FBXW8: variants seen among roughly 807,000 people sequenced by gnomAD.
FBXW8 encodes the protein F-box/WD repeat-containing protein 8.
A neutral mutation model predicts 65.3 loss-of-function variants in FBXW8; 57 were observed. That is an observed-to-expected ratio of 0.87 (90% CI 0.71 to 1.09). The LOEUF is 1.09. FBXW8 is among the 50% of genes least tolerant of loss of function. FBXW8 has a pLI of 0.00. For missense variants in FBXW8, 777 were observed against 814.8 expected (o/e 0.95, Z 0.57); for synonymous variants, 308 against 330.2 (o/e 0.93, Z 0.73).
chr12:116,957,606 G>T (rs926413637), intron 4 of FBXW8, among the ~76,000 whole-genome samples: 28 of 152,102 alleles, frequency 1.8e-4, no homozygotes, highest in Non-Finnish European at 3.7e-4. Context: ...AAGGTTGTGT[G>T]AGATAAATGT....
At position 117,028,695 on chromosome 12, in the gene FBXW8, G is replaced by A. The variant is rs114599061; in HGVS notation, c.*523G>A. On this transcript the variant is annotated 3_prime_UTR_variant, in exon 11 of 11. Transcript: ENST00000652555. This position sits in a 1 kb window ranked among gnomAD's most constrained non-coding sequence, Gnocchi z 4.1. Reference sequence around the variant, plus strand: ...ACCACCACCTTCCAGTAGCAAGCTGGTAGAGCTGTACTTTTTCTTCACAGC... The same window carrying A: ...ACCACCACCTTCCAGTAGCAAGCTGATAGAGCTGTACTTTTTCTTCACAGC... 1,203 of 156,820 alleles carry A rather than the reference G, an allele frequency of 7.7e-3. 7 individuals carry two copies. The highest frequency in any genetic ancestry group is 0.013 in the African/African-American group (558 of 41,634). 9.7% of individuals were successfully genotyped at this position (156,820 alleles called of 1,614,324 possible). A position where few individuals can be genotyped will look rare whatever the true frequency, so the allele number is the denominator to read the frequency against.
intron 8 of FBXW8, among the ~76,000 whole-genome samples, chr12:117,017,336 G>A (rs957654948): frequency 6.6e-6 from 1 of 152,198 alleles, no homozygotes; most frequent in South Asian, 2.1e-4. Context: ...CAGTCAGTCC[G>A]AAGGGCTTGT....
chr12:116,916,826 C>G (rs370843691), intron 1 of FBXW8, among the ~76,000 whole-genome samples: 1 of 151,996 alleles, frequency 6.6e-6, no homozygotes, highest in South Asian at 2.1e-4. Flanking sequence ...TGAGCTCACT[C>G]GTGTGTCTGA....
chr12:116,965,925 A>ATTT lies in FBXW8; in HGVS notation c.835+1088_835+1090dup, dbSNP rs10630126. Among the ~76,000 whole-genome samples, 726 of 137,296 alleles carry ATTT rather than the reference A, an allele frequency of 5.3e-3. 5 individuals are homozygous for ATTT. Among genetic ancestry groups the ATTT allele is most frequent in the Non-Finnish European group, 6.3e-3 (407 of 64,768 alleles). 90.1% of individuals were successfully genotyped at this position (137,296 alleles called of 152,430 possible). ...AGGCGCATGCCACCATGCCCAGCTA[A>ATTT]TTTTTTTTTTTTTTTTTTTAAGAGA... is the stretch of plus-strand genomic sequence containing the variant. On this transcript the variant is annotated intron_variant, in intron 5 of 10. Coordinates refer to ENST00000652555, the MANE Select transcript of FBXW8 (RefSeq NM_153348.3).
chr12:116,982,991 C>G (rs578153786), intron 5 of FBXW8, among the ~76,000 whole-genome samples: 1 of 152,238 alleles, frequency 6.6e-6, no homozygotes, highest in East Asian at 1.9e-4. Context: ...GGCTTTGGAC[C>G]AAGTTGTTTA....
At chr12:117,010,595 C>A in intron 8 of FBXW8, 145 bp downstream of exon 8, 2 of 1,040,694 alleles carry the variant, frequency 1.9e-6, no homozygotes, top group Non-Finnish European at 2.8e-6. Flanking sequence ...ACTCTAGACT[C>A]AGAGAACAAA....
chr12:116,949,825 C>T, intron 4 of FBXW8, 119 bp downstream of exon 4: 1 of 909,692 alleles, frequency 1.1e-6, no homozygotes, highest in African/African-American at 1.6e-5. Context: ...CCCTCAGTTA[C>T]AGCCCATGTG....
chr12:116,918,832 T>C (rs1360987806), intron 1 of FBXW8, among the ~76,000 whole-genome samples: 1 of 152,116 alleles, frequency 6.6e-6, no homozygotes, highest in East Asian at 1.9e-4. Context: ...ATAACTGATA[T>C]CCATTTTAGG....
rs189815171 is a variant in FBXW8, at chr12:116,923,819, C to A, written c.319-4204C>A. On this transcript the variant is annotated intron_variant, in intron 1 of 10. Coordinates refer to ENST00000652555, the MANE Select transcript of FBXW8 (RefSeq NM_153348.3). ...CACTGCAAGCTCCGCCTCCCAAGTT[C>A]ACGCCGTTCTTCTACTTAAGCCTCC... 2.3e-4 allele frequency among the ~76,000 whole-genome samples: 35 copies of A among 152,286 alleles called. No individual in the cohort carries two copies. The East Asian group carries it at 6.6e-3, about 29-fold the overall frequency.
intron 7 of FBXW8, among the ~76,000 whole-genome samples, chr12:116,991,070 C>G (rs1024269782): frequency 6.6e-6 from 1 of 152,208 alleles, no homozygotes; most frequent in African/African-American, 2.4e-5. Flanking sequence ...AAATTTGCTG[C>G]AAGAATGTTT....
At chr12:116,963,871 T>C (rs1307248474) in intron 4 of FBXW8, among the ~76,000 whole-genome samples, 16 of 152,116 alleles carry the variant, frequency 1.1e-4, no homozygotes. Flanking sequence ...CCCATAACAC[T>C]CAGTTGCTGT....
rs186910425 is a variant in FBXW8, at chr12:116,990,997, C to A, written c.1239+2128C>A. Among the ~76,000 whole-genome samples the A allele has an allele frequency of 1.0e-3, 153 of 152,124 alleles. 2 individuals carry two copies. In the East Asian group the frequency reaches 0.025, roughly 25 times the overall value. ...AGACCCTGTCTCTACCACACACACA[C>A]AAAAAAAGTATAGTCCTGTAAGCTG... On this transcript the variant is annotated intron_variant, in intron 7 of 10. Coordinates refer to ENST00000652555, the MANE Select transcript of FBXW8 (RefSeq NM_153348.3).
intron 5 of FBXW8, among the ~76,000 whole-genome samples, chr12:116,970,294 A>G (rs1884575540): frequency 6.6e-6 from 1 of 152,202 alleles, no homozygotes; most frequent in African/African-American, 2.4e-5. Flanking sequence ...GATCTGGTGC[A>G]TATTAGCATG....
In FBXW8 at chr12:116,936,431, A is replaced by G. The variant is rs1746014312; in HGVS notation, c.423+8304A>G. ...TAAAACGCCCTTTGCCGATGTGATT[A>G]GGTTAAGGATCTAGAGATGGGGTGA... On this transcript the variant is annotated intron_variant, in intron 2 of 10. Coordinates refer to ENST00000652555, the MANE Select transcript of FBXW8 (RefSeq NM_153348.3). This position sits in a 1 kb window ranked among gnomAD's most constrained non-coding sequence, Gnocchi z 4.6. 6.6e-6 allele frequency among the ~76,000 whole-genome samples: 1 copy of G among 152,182 alleles called. No homozygotes were observed. Among genetic ancestry groups the G allele is most frequent in the Non-Finnish European group, 1.5e-5 (1 of 68,038 alleles).
At chr12:117,014,578 A>G (rs1039985976) in intron 8 of FBXW8, among the ~76,000 whole-genome samples, 3 of 152,088 alleles carry the variant, frequency 2.0e-5, no homozygotes, top group South Asian at 2.1e-4. Flanking sequence ...TCCTCCAACG[A>G]ATGATTTTTG....
intron 4 of FBXW8, among the ~76,000 whole-genome samples, chr12:116,960,453 T>G (rs1238954056): frequency 6.6e-6 from 1 of 152,224 alleles, no homozygotes. Context: ...AGCAAAACAT[T>G]TATGTTATTA....
intron 7 of FBXW8, among the ~76,000 whole-genome samples, chr12:117,002,185 A>G (rs766233418): frequency 6.6e-6 from 1 of 152,232 alleles, no homozygotes; most frequent in African/African-American, 2.4e-5. Context: ...GCCCGGGAAG[A>G]GTCCAGTCCT....
At chr12:116,964,934 CT>C (rs1884222978) in intron 5 of FBXW8, 80 bp downstream of exon 5, 15 of 1,422,124 alleles carry the variant, frequency 1.1e-5, no homozygotes, top group African/African-American at 5.7e-5. Flanking sequence ...CGGCTCCCCC[CT>C]GTAATCCCTC....
At chr12:116,934,336 C>T (rs533613353) in intron 2 of FBXW8, among the ~76,000 whole-genome samples, 5 of 152,140 alleles carry the variant, frequency 3.3e-5, no homozygotes, top group African/African-American at 1.2e-4. Context: ...TGTTTCTTGC[C>T]GAAACATCTT....
Sources: allele counts gnomAD v4.1 joint callset (sites outside exome capture counted in the v4.1 genomes callset), GRCh38; gene constraint gnomAD v4.1.1; non-coding constraint Gnocchi (gnomAD v3.1); transcripts MANE v1.5; gene names NCBI Gene and HGNC (gene_info 2026-07-23, HGNC 2026-07-21).